The following SYN3 variants were observed in gnomAD, a reference collection of about 807,000 sequenced individuals.
The protein encoded by SYN3 is synapsin III, also known as synapsin-3.
A neutral mutation model predicts 65.8 loss-of-function variants in SYN3; 35 were observed. That is an observed-to-expected ratio of 0.53 (90% CI 0.41 to 0.70). SYN3 has a LOEUF of 0.70. SYN3 is among the 30% of genes least tolerant of loss of function. SYN3 has a pLI of 0.00. For synonymous variants in SYN3, 270 were observed against 292.9 expected (o/e 0.92, Z 0.80); for missense variants, 680 against 749.0 (o/e 0.91, Z 1.08).
intron 6 of SYN3, among the ~76,000 whole-genome samples, chr22:32,628,736 G>T (rs917506605): frequency 6.6e-6 from 1 of 151,572 alleles, no homozygotes; most frequent in Non-Finnish European, 1.5e-5. Flanking sequence ...GCACAAGAGC[G>T]AGACTTCGTC....
At chr22:32,770,062 C>T (rs1466835172) in intron 6 of SYN3, among the ~76,000 whole-genome samples, 1 of 152,212 alleles carries the variant, frequency 6.6e-6, no homozygotes, top group Non-Finnish European at 1.5e-5. Context: ...CTGCAGCTTT[C>T]CCCATCTCAG....
intron 4 of SYN3, among the ~76,000 whole-genome samples, chr22:32,927,999 A>G (rs1296383165): frequency 1.3e-5 from 2 of 152,230 alleles, no homozygotes; most frequent in African/African-American, 4.8e-5. Context: ...GCTGCATCCC[A>G]ATAAACCCAT....
intron 4 of SYN3, among the ~76,000 whole-genome samples, chr22:32,912,159 C>G (rs745707791): frequency 6.6e-6 from 1 of 152,200 alleles, no homozygotes; most frequent in Non-Finnish European, 1.5e-5. Flanking sequence ...AGTTCCTCCA[C>G]TGACTCAGTA....
At chr22:32,766,530 T>C (rs1256480712) in intron 6 of SYN3, among the ~76,000 whole-genome samples, 2 of 152,126 alleles carry the variant, frequency 1.3e-5, no homozygotes, top group Admixed American at 6.5e-5. Context: ...AAAGCCAAGA[T>C]TTGAATCTCC....
chr22:32,714,932 A>G (rs1284555090), intron 6 of SYN3, among the ~76,000 whole-genome samples: 2 of 152,220 alleles, frequency 1.3e-5, no homozygotes, highest in Non-Finnish European at 2.9e-5. Flanking sequence ...CTTCCCGCTC[A>G]TCTCCCATGG....
At chr22:32,563,158 G>T (rs1178986022) in intron 7 of SYN3, among the ~76,000 whole-genome samples, 1 of 152,244 alleles carries the variant, frequency 6.6e-6, no homozygotes, top group Non-Finnish European at 1.5e-5. Flanking sequence ...TTAGTATCCA[G>T]CTTAGAGGCA....
chr22:33,009,242 A>C (rs2053286155), intron 1 of SYN3, among the ~76,000 whole-genome samples: 1 of 152,138 alleles, frequency 6.6e-6, no homozygotes, highest in Admixed American at 6.5e-5. Context: ...TGCACACTCC[A>C]TTTGAGAGTT....
intron 1 of SYN3, among the ~76,000 whole-genome samples, chr22:33,030,810 G>C (rs1424725232): frequency 6.6e-6 from 1 of 151,902 alleles, no homozygotes; most frequent in African/African-American, 2.4e-5. Flanking sequence ...CCCAGAGAGA[G>C]AGAAACAGAT....
At chr22:32,747,362 G>C (rs183509060) in intron 6 of SYN3, among the ~76,000 whole-genome samples, 63 of 140,588 alleles carry the variant, frequency 4.5e-4, no homozygotes, top group Non-Finnish European at 9.2e-4. Context: ...GATGTCCATG[G>C]GTCTGTGTTA....
intron 7 of SYN3, among the ~76,000 whole-genome samples, chr22:32,581,962 G>C (rs73881735): frequency 0.014 from 2,184 of 151,548 alleles, 54 homozygotes; most frequent in African/African-American, 0.049. Context: ...ACCAAACCCG[G>C]ATAATTTTTA....
intron 6 of SYN3, among the ~76,000 whole-genome samples, chr22:32,690,241 T>C (rs1043308688): frequency 4.6e-5 from 7 of 152,124 alleles, no homozygotes; most frequent in Non-Finnish European, 8.8e-5. Flanking sequence ...AGCTAGAAGG[T>C]GCCATCTATG....
At chr22:32,843,120 A>C (rs2047960935) in intron 6 of SYN3, among the ~76,000 whole-genome samples, 1 of 152,036 alleles carries the variant, frequency 6.6e-6, no homozygotes. Context: ...AACTGCTTAC[A>C]GGCTACCTGA....
At chr22:32,569,630 G>C (rs371965768) in intron 7 of SYN3, among the ~76,000 whole-genome samples, 6 of 150,138 alleles carry the variant, frequency 4.0e-5, no homozygotes, top group Middle Eastern at 3.5e-3. Context: ...ATTATTGCAT[G>C]CATAAGAGTT....
intron 10 of SYN3, among the ~76,000 whole-genome samples, chr22:32,529,313 C>T (rs958385021): frequency 3.3e-4 from 50 of 152,284 alleles, no homozygotes; most frequent in African/African-American, 1.2e-3. Context: ...CCGCTCTCCG[C>T]CCCCTCCTTT....
At chr22:32,732,544 G>C (rs1335826900) in intron 6 of SYN3, among the ~76,000 whole-genome samples, 1 of 152,194 alleles carries the variant, frequency 6.6e-6, no homozygotes, top group East Asian at 1.9e-4. Flanking sequence ...AGAAGGACAG[G>C]TTCAAATCCC....
At chr22:32,711,318 T>C (rs933308533) in intron 6 of SYN3, among the ~76,000 whole-genome samples, 4 of 152,164 alleles carry the variant, frequency 2.6e-5, no homozygotes, top group Non-Finnish European at 5.9e-5. Context: ...TCTGAACCAA[T>C]TGGATTCATT....
intron 5 of SYN3, 143 bp downstream of exon 5, chr22:32,868,823 C>A: frequency 2.0e-6 from 1 of 490,452 alleles, no homozygotes; most frequent in Non-Finnish European, 3.3e-6. Flanking sequence ...CCAACAAGAG[C>A]CCTAGGATCC....
intron 6 of SYN3, among the ~76,000 whole-genome samples, chr22:32,813,528 C>T (rs867831324): frequency 7.0e-6 from 1 of 143,634 alleles, no homozygotes; most frequent in South Asian, 2.3e-4. Context: ...CACACACACA[C>T]ACACACACGT....
intron 6 of SYN3, among the ~76,000 whole-genome samples, chr22:32,748,779 T>A (rs2045018911): frequency 6.6e-6 from 1 of 152,144 alleles, no homozygotes; most frequent in Non-Finnish European, 1.5e-5. Context: ...CCAACTACGA[T>A]GGAACATTAG....
Sources: gnomAD v4.1 joint callset for allele counts (sites outside exome capture counted in the v4.1 genomes callset) on GRCh38, gnomAD v4.1.1 for gene constraint, MANE v1.5 for transcripts, NCBI Gene and HGNC (gene_info 2026-07-23, HGNC 2026-07-21) for gene names.